MAK: variants seen among roughly 807,000 people sequenced by gnomAD.
The protein encoded by MAK is serine/threonine-protein kinase MAK.
Under a neutral mutation model 82.6 loss-of-function variants are expected in MAK, and 65 were observed. The observed-to-expected ratio is 0.79, with a 90% confidence interval of 0.64 to 0.97. The LOEUF (loss-of-function observed/expected upper bound fraction) is 0.97. Among genes scored for constraint, MAK ranks in the 50% least tolerant of loss-of-function variants. MAK has a pLI of 0.00. For missense variants in MAK, 703 were observed against 780.2 expected, an observed-to-expected ratio of 0.90 and a Z score of 1.18; for synonymous variants, 250 against 274.2, an observed-to-expected ratio of 0.91 and a Z score of 0.87.
rs1034209288 is a variant in MAK, at chr6:10,793,693, G to T, written c.1144-1846C>A. The stretch of plus-strand genomic sequence containing the variant: ...GTGTGTGTGGCGGGGCTGGGGGCTA[G>T]GTTATTCTCTTTAACTTAGAGAATG... On this transcript the variant is annotated intron_variant, in intron 9 of 14. Transcript: ENST00000354489. This position sits in a 1 kb window ranked among gnomAD's most constrained non-coding sequence, Gnocchi z 4.6. 3.3e-5 allele frequency among the ~76,000 whole-genome samples: 5 copies of T among 152,142 alleles called. No individual in the cohort carries two copies. The highest frequency in any genetic ancestry group is 4.4e-5 in the Non-Finnish European group (3 of 68,024).
intron 9 of MAK, among the ~76,000 whole-genome samples, chr6:10,794,876 G>A (rs762910099): frequency 2.0e-5 from 3 of 151,256 alleles, no homozygotes; most frequent in Non-Finnish European, 4.4e-5. Flanking sequence ...CCTGTAATCC[G>A]AGCTACTCAG....
At chr6:10,795,059 A>G (rs1175977587) in intron 9 of MAK, among the ~76,000 whole-genome samples, 1 of 152,172 alleles carries the variant, frequency 6.6e-6, no homozygotes, top group African/African-American at 2.4e-5. Flanking sequence ...ATTTAAGAAC[A>G]CTGTAAAATG....
At chr6:10,771,672 G>GTTGCTGTTGTTCAATT (rs1773035978) in intron 13 of MAK, among the ~76,000 whole-genome samples, 1 of 152,208 alleles carries the variant, frequency 6.6e-6, no homozygotes, top group African/African-American at 2.4e-5. Context: ...GCTTCAACAG[G>GTTGCTGTTGTTCAATT]TGTCTGCTCT....
chr6:10,806,556 A>C, intron 6 of MAK, among the ~76,000 whole-genome samples: 1 of 131,156 alleles, frequency 7.6e-6, no homozygotes, highest in Non-Finnish European at 1.6e-5. Context: ...ACGGGGTTTC[A>C]CTGTGTTAGC....
At position 10,826,825 on chromosome 6, in the gene MAK, C is replaced by A. The variant is rs868378406; in HGVS notation, c.101+3723G>T. On this transcript the variant is annotated intron_variant, in intron 2 of 14. Coordinates refer to ENST00000354489, the MANE Select transcript of MAK (RefSeq NM_001242957.3). ...TTTTGCTTTCCCAATTAAAAGAGTA[C>A]AGTAGGCCGGGCACGGTGGCTCACG... Among the ~76,000 whole-genome samples the A allele has an allele frequency of 2.6e-5, 4 of 152,276 alleles. No individual in the cohort carries two copies. The Middle Eastern group carries it at 0.01, about 388-fold the overall frequency.
intron 2 of MAK, among the ~76,000 whole-genome samples, chr6:10,825,523 GACTA>G (rs1484845225): frequency 1.3e-5 from 2 of 151,920 alleles, no homozygotes; most frequent in African/African-American, 4.8e-5. Flanking sequence ...GCCATCTGTA[GACTA>G]ACCATTCCAA....
intron 2 of MAK, among the ~76,000 whole-genome samples, chr6:10,823,756 C>T (rs992512041): frequency 1.3e-5 from 2 of 152,096 alleles, no homozygotes; most frequent in Non-Finnish European, 2.9e-5. Context: ...TCTCAAACTC[C>T]TGACCTCAGG....
At chr6:10,778,023 C>T (rs960402766) in intron 11 of MAK, among the ~76,000 whole-genome samples, 3 of 152,150 alleles carry the variant, frequency 2.0e-5, no homozygotes, top group African/African-American at 7.2e-5. Flanking sequence ...TATAAGTTTT[C>T]ACTGGGTACC....
intron 14 of MAK, 111 bp downstream of exon 14, chr6:10,770,000 G>A (rs1772847612): frequency 6.3e-7 from 1 of 1,595,664 alleles, no homozygotes; most frequent in Non-Finnish European, 8.5e-7. Flanking sequence ...GCGTTAATGA[G>A]GTGAGGCTGA....
chr6:10,799,636 A>T (rs902003278), intron 8 of MAK, among the ~76,000 whole-genome samples: 3 of 152,110 alleles, frequency 2.0e-5, no homozygotes, highest in Admixed American at 6.6e-5. Context: ...AAAATTAGAA[A>T]ATACACTTAA....
chr6:10,805,056 G>A (rs1472454034), intron 6 of MAK, among the ~76,000 whole-genome samples: 2 of 98,168 alleles, frequency 2.0e-5, no homozygotes, highest in Non-Finnish European at 4.4e-5. Context: ...GGATGAGTGT[G>A]TGCATGTGTG....
At chr6:10,807,990 A>G (rs950715283) in intron 6 of MAK, among the ~76,000 whole-genome samples, 1 of 151,398 alleles carries the variant, frequency 6.6e-6, no homozygotes, top group East Asian at 2.0e-4. Flanking sequence ...ATCACTTGAA[A>G]CCGGGAGGCA....
At chr6:10,797,541 G>A (rs142386081) in intron 8 of MAK, 114 of 971,200 alleles carry the variant, frequency 1.2e-4, no homozygotes, top group East Asian at 1.1e-3. Context: ...GGCTAAAACC[G>A]AAAAAATATT....
chr6:10,770,306 C>G (rs959435762), intron 13 of MAK, 76 bp from the exon 14 acceptor site: 21 of 1,497,850 alleles, frequency 1.4e-5, no homozygotes, highest in Non-Finnish European at 1.9e-5. Flanking sequence ...GAATACTACC[C>G]CATTACTTCT....
At chr6:10,765,481 C>G (rs1342339793) in intron 14 of MAK, among the ~76,000 whole-genome samples, 1 of 128,140 alleles carries the variant, frequency 7.8e-6, no homozygotes, top group African/African-American at 3.4e-5. Context: ...TTTAATGAGG[C>G]AGAGTTTCGC....
chr6:10,768,240 CAA>C (rs767590517), intron 14 of MAK, among the ~76,000 whole-genome samples: 13 of 151,928 alleles, frequency 8.6e-5, no homozygotes, highest in Non-Finnish European at 1.6e-4. Context: ...ACCTAGGTAA[CAA>C]AATAATTTGA....
chr6:10,781,666 C>T (rs945393971), intron 11 of MAK, among the ~76,000 whole-genome samples: 19 of 152,056 alleles, frequency 1.2e-4, no homozygotes, highest in South Asian at 4.1e-4. Flanking sequence ...TCAAGTGATC[C>T]GCCTGCCTCA....
At chr6:10,777,415 A>C (rs1447401229) in intron 11 of MAK, among the ~76,000 whole-genome samples, 3 of 152,146 alleles carry the variant, frequency 2.0e-5, no homozygotes, top group Non-Finnish European at 4.4e-5. Context: ...TCACAAAAAA[A>C]AAAAAAAATG....
intron 11 of MAK, among the ~76,000 whole-genome samples, chr6:10,781,337 C>T (rs1056385528): frequency 3.3e-5 from 5 of 151,720 alleles, no homozygotes; most frequent in Admixed American, 1.3e-4. Flanking sequence ...ACAAATAGAA[C>T]AGTTTTCAAA....
Sources: gnomAD v4.1 joint callset for allele counts (sites outside exome capture counted in the v4.1 genomes callset) on GRCh38, gnomAD v4.1.1 for gene constraint, Gnocchi (gnomAD v3.1) non-coding constraint, MANE v1.5 for transcripts, NCBI Gene and HGNC (gene_info 2026-07-23, HGNC 2026-07-21) for gene names.